The following ESM1 variants were observed in gnomAD, a reference collection of about 807,000 sequenced individuals.
ESM1 encodes the protein endothelial cell specific molecule 1, also known as endothelial cell-specific molecule 1.
In ESM1, 7 loss-of-function variants were observed where a neutral mutation model predicts 14.9. That is an observed-to-expected ratio of 0.47 (90% CI 0.27 to 0.88). The LOEUF (loss-of-function observed/expected upper bound fraction) is 0.88, where lower values mean the gene tolerates loss of function less well. Ranked by LOEUF, ESM1 falls within the 40% of genes least tolerant of loss-of-function variation. The pLI is 0.14. For synonymous variants in ESM1, 89 were observed against 89.4 expected (o/e 1.00, Z 0.02); for missense variants, 192 against 237.9 (o/e 0.81, Z 1.27).
At chr5:54,985,039 G>A (rs1185919395) in intron 1 of ESM1, among the ~76,000 whole-genome samples, 178 bp downstream of exon 1, 1 of 152,194 alleles carries the variant, frequency 6.6e-6, no homozygotes, top group Admixed American at 6.5e-5. Flanking sequence ...ACTGGTTTCA[G>A]TTGCTACTTG....
rs548471034 is a variant in ESM1, at chr5:54,982,731, G to T, written c.302-585C>A. On this transcript the variant is annotated intron_variant, in intron 1 of 2. Transcript: ENST00000381405. ...GTCGAAACGGCATGTCATACAACTT[G>T]CCTGACTCCCTCAGTAGTTAAGAGG... Among the ~76,000 whole-genome samples, 5 of 152,182 alleles carry T rather than the reference G, an allele frequency of 3.3e-5. No homozygotes were observed. The South Asian group carries it at 6.2e-4, about 19-fold the overall frequency.
rs999089254 is a variant in ESM1, at chr5:54,982,279, C to A, written c.302-133G>T. On this transcript the variant is annotated intron_variant, in intron 1 of 2. Coordinates refer to ENST00000381405, the MANE Select transcript of ESM1 (RefSeq NM_007036.5). ...TGACTGTAAAGTAAAATCCAATTCTCCAAACCCAGGATTTGAAAGTTGAAA... is the reference window on the plus strand; with the variant it reads ...TGACTGTAAAGTAAAATCCAATTCTACAAACCCAGGATTTGAAAGTTGAAA... The A allele has an allele frequency of 5.0e-6, 4 of 805,440 alleles. No homozygotes were observed. The Admixed American group carries it at 9.5e-5, about 19-fold the overall frequency. The allele number at this position is 805,440 out of a possible 1,614,324, so 49.9% of individuals were successfully genotyped here. A position where few individuals can be genotyped will look rare whatever the true frequency, so the allele number is the denominator to read the frequency against.
At chr5:54,984,372 G>A (rs1389649993) in intron 1 of ESM1, among the ~76,000 whole-genome samples, 1 of 152,082 alleles carries the variant, frequency 6.6e-6, no homozygotes, top group African/African-American at 2.4e-5. Flanking sequence ...TATACGTAGA[G>A]TATTTTTAAA....
chr5:54,985,495 G>A lies in ESM1; in HGVS notation c.23C>T (p.Thr8Ile), dbSNP rs2112254323. The stretch of plus-strand genomic sequence containing the variant: ...CAGGTGTGCAGGCACGAGGAGCGTG[G>A]TCAGCAGCAAGACGCTCTTCATGTT... MKSVLLL[T>I]TLLVPAHLVA... is the part of the protein sequence containing the mutation. Residue 8 changes from threonine (T) to isoleucine (I), a missense_variant, in exon 1 of 3, where the codon ACC (threonine) becomes ATC (isoleucine). Coordinates refer to ENST00000381405, the MANE Select transcript of ESM1 (RefSeq NM_007036.5). 6.2e-7 allele frequency: 1 copy of A among 1,600,488 alleles called. No homozygotes were observed. Among genetic ancestry groups the A allele is most frequent in the Admixed American group, 1.7e-5 (1 of 59,774 alleles).
chr5:54,984,405 C>A (rs1449335487), intron 1 of ESM1, among the ~76,000 whole-genome samples: 1 of 152,016 alleles, frequency 6.6e-6, no homozygotes, highest in African/African-American at 2.4e-5. Context: ...TTATTCTAAA[C>A]ATTTTTAAAA....
intron 1 of ESM1, among the ~76,000 whole-genome samples, chr5:54,983,734 G>A (rs1185719691): frequency 6.6e-6 from 1 of 152,194 alleles, no homozygotes; most frequent in Non-Finnish European, 1.5e-5. Flanking sequence ...GAATACTACA[G>A]TGCTAAAGAC....
Position 54,979,213 on chromosome 5 carries a change from C to A in ESM1, c.*119G>T. 1.4e-6 allele frequency: 1 copy of A among 721,516 alleles called. No homozygotes were observed. The highest frequency in any genetic ancestry group is 2.2e-5 in the Admixed American group (1 of 44,792). 44.7% of individuals were successfully genotyped at this position (721,516 alleles called of 1,614,324 possible). ...TTTGTTTTCTGGATCCACCATGCAT[C>A]ACATTTGGTCTTCAAAAATTACATG... On this transcript the variant is annotated 3_prime_UTR_variant, in exon 3 of 3. Coordinates refer to ENST00000381405, the MANE Select transcript of ESM1 (RefSeq NM_007036.5).
At position 54,982,118 on chromosome 5, in the gene ESM1, A is replaced by G. The variant is rs1403815951; in HGVS notation, c.330T>C (p.Asp110=). The change falls in exon 2 of 3, where the codon GAT becomes GAC. Residue 110 remains aspartate, a synonymous_variant. Coordinates refer to ENST00000381405, the MANE Select transcript of ESM1 (RefSeq NM_007036.5). ...ACTGGCAGTTGCAGGTCTCTCTGCA[A>G]TCCATCCCGAAGGTGCCGTAGGGAC... ...KDCPYGTFGM[D]CRETCNCQSG... is the part of the protein sequence containing the mutation. 4 of 1,614,176 alleles carry G rather than the reference A, an allele frequency of 2.5e-6. No individual in the cohort carries two copies. Among genetic ancestry groups the G allele is most frequent in the African/African-American group, 1.3e-5 (1 of 75,048 alleles).
chr5:54,985,323 G>A lies in ESM1; in HGVS notation c.195C>T (p.Cys65=). 6.2e-7 allele frequency: 1 copy of A among 1,614,192 alleles called. No individual in the cohort carries two copies. Among genetic ancestry groups the A allele is most frequent in the Non-Finnish European group, 8.5e-7 (1 of 1,180,034 alleles). ...CATCCATGCCTGAGACTGTGCGGTA[G>A]CAAGTTTCTCCCCGCCCTGCAGCGC... is the stretch of plus-strand genomic sequence containing the variant. ...RVCAAGRGET[C]YRTVSGMDGM... is the part of the protein sequence containing the mutation. Residue 65 remains cysteine (C), a synonymous_variant, in exon 1 of 3, where the codon TGC becomes TGT. Transcript: ENST00000381405.
intron 1 of ESM1, among the ~76,000 whole-genome samples, chr5:54,984,401 T>C (rs1273261506): frequency 6.6e-6 from 1 of 152,184 alleles, no homozygotes; most frequent in Non-Finnish European, 1.5e-5. Flanking sequence ...CTTTTTATTC[T>C]AAACATTTTT....
intron 1 of ESM1, 93 bp downstream of exon 1, chr5:54,985,124 T>C: frequency 8.5e-7 from 1 of 1,171,872 alleles, no homozygotes. Flanking sequence ...CTTTTCCCTC[T>C]TACTCTTGAG....
intron 2 of ESM1, among the ~76,000 whole-genome samples, chr5:54,979,883 A>G (rs1168854066): frequency 1.3e-5 from 2 of 152,226 alleles, no homozygotes; most frequent in Admixed American, 1.3e-4. Flanking sequence ...AGACAGATTA[A>G]CTTTTGCTGC....
chr5:54,979,526 C>T, intron 2 of ESM1, 91 bp from the exon 3 acceptor site: 1 of 845,262 alleles, frequency 1.2e-6, no homozygotes, highest in Non-Finnish European at 2.0e-6. Flanking sequence ...ATGGAATTTA[C>T]AATGAAATCT....
chr5:54,985,509 G>A lies in ESM1; in HGVS notation c.9C>T (p.Ser3=), dbSNP rs539161576. Residue 3 remains serine, a synonymous_variant, in exon 1 of 3, where the codon AGC becomes AGT. Transcript: ENST00000381405. ...CGAGGAGCGTGGTCAGCAGCAAGAC[G>A]CTCTTCATGTTTCCCAGCTGCCTCC... is the stretch of plus-strand genomic sequence containing the variant. The part of the protein sequence containing the change: MK[S]VLLLTTLLVP... The A allele has an allele frequency of 4.8e-5, 77 of 1,590,724 alleles. No homozygotes were observed. Among genetic ancestry groups the A allele is most frequent in the Non-Finnish European group, 6.5e-5 (75 of 1,162,736 alleles).
intron 1 of ESM1, among the ~76,000 whole-genome samples, chr5:54,983,842 T>C (rs1191765574): frequency 1.3e-5 from 2 of 152,244 alleles, no homozygotes; most frequent in Non-Finnish European, 2.9e-5. Flanking sequence ...AGCAATCCAC[T>C]GCATATACAT....
intron 1 of ESM1, among the ~76,000 whole-genome samples, chr5:54,984,210 G>A (rs1005905331): frequency 6.6e-6 from 1 of 151,954 alleles, no homozygotes; most frequent in African/African-American, 2.4e-5. Flanking sequence ...CATAAAAAAT[G>A]TATTAAATAC....
Position 54,979,291 on chromosome 5 carries a change from A to G in ESM1, c.*41T>C, listed in dbSNP as rs3776032. 344,867 of 1,429,874 alleles carry G rather than the reference A, an allele frequency of 0.24. 44,055 individuals are homozygous for G. The highest frequency in any genetic ancestry group is 0.35 in the South Asian group (30,489 of 86,766). 88.6% of individuals were successfully genotyped at this position (1,429,874 alleles called of 1,614,324 possible). A position where few individuals can be genotyped will look rare whatever the true frequency, so the allele number is the denominator to read the frequency against. On this transcript the variant is annotated 3_prime_UTR_variant, in exon 3 of 3. Coordinates refer to ENST00000381405, the MANE Select transcript of ESM1 (RefSeq NM_007036.5). The stretch of plus-strand genomic sequence containing the variant: ...TAAAATGTTGGCTGTGTGTTGAACA[A>G]TCACGAAAATAGAGCCTTCTCTCAG...
chr5:54,979,143 A>G lies in ESM1; in HGVS notation c.*189T>C. 1 of 557,232 alleles carries G rather than the reference A, an allele frequency of 1.8e-6. No individual in the cohort carries two copies. 34.5% of individuals were successfully genotyped at this position (557,232 alleles called of 1,614,324 possible). On this transcript the variant is annotated 3_prime_UTR_variant, in exon 3 of 3. Transcript: ENST00000381405. ...ATTCGAATATTTAACAAACACATAC[A>G]AGTGTTCAGTCATATGGATGTTATG...
At chr5:54,983,379 G>C (rs1274022414) in intron 1 of ESM1, among the ~76,000 whole-genome samples, 1 of 152,236 alleles carries the variant, frequency 6.6e-6, no homozygotes, top group Admixed American at 6.5e-5. Flanking sequence ...TACTTCTAGT[G>C]TATCCCCTGA....
Sources: allele counts gnomAD v4.1 joint callset (sites outside exome capture counted in the v4.1 genomes callset), GRCh38; gene constraint gnomAD v4.1.1; transcripts MANE v1.5; gene names NCBI Gene and HGNC (gene_info 2026-07-23, HGNC 2026-07-21).